Variants in PRKN observed in about 807,000 individuals in gnomAD.
PRKN encodes the protein parkin RBR E3 ubiquitin protein ligase, also known as E3 ubiquitin-protein ligase parkin.
In PRKN, 56 loss-of-function variants were observed where a neutral mutation model predicts 59.5. That is an observed-to-expected ratio of 0.94 (90% confidence interval 0.76 to 1.18). PRKN has a LOEUF of 1.18. Ranked by LOEUF, PRKN falls within the 50% of genes most tolerant of loss-of-function variation. The pLI is 0.00. For missense variants in PRKN, 657 were observed against 596.4 expected, an observed-to-expected ratio of 1.10 and a Z score of -1.06; for synonymous variants, 250 against 222.1, an observed-to-expected ratio of 1.13 and a Z score of -1.12.
At chr6:161,799,747 G>T (rs561593446) in intron 6 of PRKN, among the ~76,000 whole-genome samples, 61 of 152,374 alleles carry the variant, frequency 4.0e-4, no homozygotes, top group African/African-American at 1.3e-3. Context: ...ATGGGATCAT[G>T]TGATAGTGCT....
At chr6:162,010,625 TATATA>T (rs1403501157) in intron 5 of PRKN, among the ~76,000 whole-genome samples, 132 of 4,758 alleles carry the variant, frequency 0.028, 38 homozygotes, top group Non-Finnish European at 0.031. Flanking sequence ...TATTATATTA[TATATA>T]ATATATTATA....
rs185904268 is a variant in PRKN at position 162,568,984 on chromosome 6, G to A, written c.8-125511C>T. 490 of 682,606 alleles carry A rather than the reference G, an allele frequency of 7.2e-4. 2 individuals are homozygous for A. Among genetic ancestry groups the A allele is most frequent in the Non-Finnish European group, 1.2e-3 (431 of 373,934 alleles). 42.3% of individuals were successfully genotyped at this position (682,606 alleles called of 1,614,324 possible). ...CTGGCTGACGAGATCAATTTCCTCA[G>A]GCAGCTGTATGAAGAGGAGACCTTG... is the stretch of plus-strand genomic sequence containing the variant. On this transcript the variant is annotated intron_variant, in intron 1 of 11. Transcript: ENST00000366898.
intron 6 of PRKN, among the ~76,000 whole-genome samples, chr6:161,848,553 G>A (rs1244814103): frequency 2.0e-5 from 3 of 152,082 alleles, no homozygotes; most frequent in Non-Finnish European, 4.4e-5. Context: ...CTATATGTAT[G>A]TCTTTTAGAA....
intron 1 of PRKN, among the ~76,000 whole-genome samples, chr6:162,564,484 A>T (rs950919457): frequency 5.3e-5 from 8 of 152,196 alleles, no homozygotes; most frequent in Admixed American, 3.9e-4. Context: ...AGATATCAAT[A>T]TACAACTACA....
At chr6:162,473,549 T>C (rs1165746511) in intron 1 of PRKN, among the ~76,000 whole-genome samples, 1 of 152,160 alleles carries the variant, frequency 6.6e-6, no homozygotes, top group African/African-American at 2.4e-5. Flanking sequence ...GTGGCCATGA[T>C]AAAAAAGTAA....
At chr6:161,667,322 C>T (rs1784760147) in intron 7 of PRKN, among the ~76,000 whole-genome samples, 2 of 152,176 alleles carry the variant, frequency 1.3e-5, no homozygotes, top group Admixed American at 6.5e-5. Flanking sequence ...TGCTGACAGG[C>T]AGCTGTGCTC....
intron 9 of PRKN, among the ~76,000 whole-genome samples, chr6:161,481,681 G>C (rs1791408434): frequency 6.6e-6 from 1 of 152,054 alleles, no homozygotes; most frequent in African/African-American, 2.4e-5. Context: ...GCACAAAGAG[G>C]GTAGGTAGTG....
intron 7 of PRKN, among the ~76,000 whole-genome samples, chr6:161,719,093 G>A (rs1562630458): frequency 6.6e-6 from 1 of 152,118 alleles, no homozygotes; most frequent in Admixed American, 6.5e-5. Flanking sequence ...ACTAGAAAAT[G>A]GAGATAAACA....
At chr6:162,201,565 G>A (rs75263798) in intron 3 of PRKN, among the ~76,000 whole-genome samples, 2,038 of 152,256 alleles carry the variant, frequency 0.013, 49 homozygotes, top group African/African-American at 0.046. Flanking sequence ...ACTCTTTGCC[G>A]AGGAAGTTTG....
chr6:161,465,833 T>C (rs904535040), intron 9 of PRKN, among the ~76,000 whole-genome samples: 2 of 152,224 alleles, frequency 1.3e-5, no homozygotes, highest in African/African-American at 4.8e-5. Context: ...TTTTTCTTCT[T>C]GGATTCCAAT....
At chr6:162,229,974 C>CT (rs1170650927) in intron 3 of PRKN, among the ~76,000 whole-genome samples, 1 of 152,138 alleles carries the variant, frequency 6.6e-6, no homozygotes, top group Non-Finnish European at 1.5e-5. Flanking sequence ...CATCTGAGTA[C>CT]TTAGAACCAC....
At chr6:162,371,469 C>T (rs971383379) in intron 2 of PRKN, among the ~76,000 whole-genome samples, 2 of 152,106 alleles carry the variant, frequency 1.3e-5, no homozygotes, top group Admixed American at 6.6e-5. Context: ...CTTTCAAACC[C>T]GGCTTTCTCA....
intron 3 of PRKN, among the ~76,000 whole-genome samples, chr6:162,242,651 A>G (rs763724009): frequency 6.6e-6 from 1 of 152,210 alleles, no homozygotes; most frequent in Non-Finnish European, 1.5e-5. Flanking sequence ...ACTCACAGCA[A>G]CAAATGCCAT....
At chr6:161,927,639 T>A (rs1354436476) in intron 6 of PRKN, among the ~76,000 whole-genome samples, 2 of 152,158 alleles carry the variant, frequency 1.3e-5, no homozygotes, top group Non-Finnish European at 2.9e-5. Flanking sequence ...TCATCTTTAA[T>A]GGAAATGAGA....
chr6:161,795,231 T>TTG (rs1554307980), intron 6 of PRKN, among the ~76,000 whole-genome samples: 1 of 147,180 alleles, frequency 6.8e-6, no homozygotes, highest in Non-Finnish European at 1.5e-5. Flanking sequence ...TTCTTTTCTT[T>TTG]TTTTTTTTTT....
At chr6:161,599,711 T>C (rs531875478) in intron 7 of PRKN, among the ~76,000 whole-genome samples, 10 of 152,346 alleles carry the variant, frequency 6.6e-5, no homozygotes, top group African/African-American at 2.4e-4. Context: ...CTAGCTGTGT[T>C]TGGCAGTGCT....
chr6:161,794,537 T>C (rs1419209112), intron 6 of PRKN, among the ~76,000 whole-genome samples: 1 of 152,162 alleles, frequency 6.6e-6, no homozygotes, highest in African/African-American at 2.4e-5. Context: ...GGCCCCAAAA[T>C]ATGAACTAGT....
chr6:162,473,178 G>A (rs764922852), intron 1 of PRKN, among the ~76,000 whole-genome samples: 2 of 152,180 alleles, frequency 1.3e-5, no homozygotes, highest in African/African-American at 4.8e-5. Flanking sequence ...GTCATTTTAA[G>A]CCTTTCCCTT....
chr6:161,535,653 G>A (rs1779386677), intron 9 of PRKN, among the ~76,000 whole-genome samples: 1 of 152,208 alleles, frequency 6.6e-6, no homozygotes, highest in Non-Finnish European at 1.5e-5. Flanking sequence ...ATACGAGTAC[G>A]ATGTTGTGTG....
Sources: allele counts gnomAD v4.1 joint callset (sites outside exome capture counted in the v4.1 genomes callset), GRCh38; gene constraint gnomAD v4.1.1; transcripts MANE v1.5; gene names NCBI Gene and HGNC (gene_info 2026-07-23, HGNC 2026-07-21).